ERI1: variants seen among roughly 807,000 people sequenced by gnomAD.
ERI1 encodes the protein 3'-5' exoribonuclease 1.
ERI1 carries 39 observed loss-of-function variants against 39.7 expected under a neutral mutation model. That is an observed-to-expected ratio of 0.98 (90% confidence interval 0.76 to 1.28). ERI1 has a LOEUF of 1.28. ERI1 is among the 50% of genes most tolerant of loss of function. The pLI, the probability that ERI1 is intolerant of heterozygous loss-of-function variation, is 0.00. For synonymous variants in ERI1, 204 were observed against 149.6 expected, an observed-to-expected ratio of 1.36 and a Z score of -2.65; for missense variants, 581 against 416.9, an observed-to-expected ratio of 1.39 and a Z score of -3.43.
rs985583842 is a variant in ERI1 at position 9,062,811 on chromosome 8, G to A, written n.299+42347G>A. The A allele has an allele frequency of 2.6e-5, 4 of 151,932 alleles. No homozygotes were observed. In the East Asian group the frequency reaches 7.9e-4, roughly 30 times the overall value. The allele number at this position is 151,932 out of a possible 1,614,324, so 9.4% of individuals were successfully genotyped here. ...TGAGTTGAACAGTCTGATTTTCAGTGGGGTCTCGCTCAGATGGGACGTGGC... is the reference window on the plus strand; with the variant it reads ...TGAGTTGAACAGTCTGATTTTCAGTAGGGTCTCGCTCAGATGGGACGTGGC... On this transcript the variant is annotated intron_variant and non_coding_transcript_variant, in intron 3 of 3. Coordinates refer to the ERI1 transcript ENST00000518663.
Position 9,089,107 on chromosome 8 carries a change from G to C in ERI1, n.300-27241G>C, listed in dbSNP as rs141141936. On this transcript the variant is annotated intron_variant and non_coding_transcript_variant, in intron 3 of 3. Coordinates refer to the ERI1 transcript ENST00000518663. ...CACTAAGGCTCGGTTTCCTCAAATAGATTAGGGAAATAACATGGTTCCCGC... is the reference window on the plus strand; with the variant it reads ...CACTAAGGCTCGGTTTCCTCAAATACATTAGGGAAATAACATGGTTCCCGC... Among the ~76,000 whole-genome samples the C allele has an allele frequency of 8.7e-4, 133 of 152,278 alleles. 5 individuals carry two copies. In the East Asian group the frequency reaches 0.02, roughly 23 times the overall value.
At chr8:9,014,200 C>T (rs2979256) in intron 3 of ERI1, among the ~76,000 whole-genome samples, 59,885 of 152,000 alleles carry the variant, frequency 0.39, 13,802 homozygotes, top group East Asian at 0.68. Flanking sequence ...CCTGCTTGCT[C>T]ATTCTCAAAA....
At position 9,032,013 on chromosome 8, in the gene ERI1, C is replaced by T. The variant is rs1797624759; in HGVS notation, c.*1979C>T. 6.6e-6 allele frequency: 1 copy of T among 152,232 alleles called. No individual in the cohort carries two copies. Among genetic ancestry groups the T allele is most frequent in the African/African-American group, 2.4e-5 (1 of 41,438 alleles). 9.4% of individuals were successfully genotyped at this position (152,232 alleles called of 1,614,324 possible). ...CCTCAAGTGATTTGCCCACCTTGAC[C>T]TCCTACAGACGTGAGCCACTGCGCT... On this transcript the variant is annotated 3_prime_UTR_variant, in exon 7 of 7. Coordinates refer to ENST00000250263, the MANE Select transcript of ERI1 (RefSeq NM_153332.4).
rs192671400 is a variant in ERI1 at position 9,016,590 on chromosome 8, C to G, written c.582+185C>G. On this transcript the variant is annotated intron_variant, in intron 4 of 6. Coordinates refer to ENST00000250263, the MANE Select transcript of ERI1 (RefSeq NM_153332.4). ...CAAATTTTATATCTGGTAACATTTT[C>G]CTCAGCCTTTCCTCTTAAGGAGTTG... Among the ~76,000 whole-genome samples, 738 of 150,492 alleles carry G rather than the reference C, an allele frequency of 4.9e-3. 4 individuals are homozygous for G. Among genetic ancestry groups the G allele is most frequent in the Non-Finnish European group, 7.2e-3 (490 of 67,710 alleles).
intron 3 of ERI1, among the ~76,000 whole-genome samples, chr8:9,064,469 T>C (rs1798805603): frequency 6.6e-6 from 1 of 151,414 alleles, no homozygotes; most frequent in Admixed American, 6.6e-5. Context: ...AGTCCGTGAC[T>C]GGCACCGGAG....
intron 1 of ERI1, among the ~76,000 whole-genome samples, chr8:9,003,482 T>C (rs56349323): frequency 0.27 from 41,847 of 152,212 alleles, 6,189 homozygotes; most frequent in Non-Finnish European, 0.31. Flanking sequence ...TGTCACTCCA[T>C]GTAGCCGTTA....
chr8:9,086,113 T>TA lies in ERI1; in HGVS notation n.300-30228dup, dbSNP rs1316796502. 5.3e-5 allele frequency among the ~76,000 whole-genome samples: 8 copies of TA among 152,198 alleles called. No homozygotes were observed. The East Asian group carries it at 7.7e-4, about 15-fold the overall frequency. The stretch of plus-strand genomic sequence containing the variant: ...AGACTGCGGCATTTACCATGAATGC[T>TA]AAAAAAACAGGGATAGCGGGCCAGG... On this transcript the variant is annotated intron_variant and non_coding_transcript_variant, in intron 3 of 3. Coordinates refer to the ERI1 transcript ENST00000518663.
chr8:9,060,807 T>C (rs548075873), intron 3 of ERI1, among the ~76,000 whole-genome samples: 21 of 152,286 alleles, frequency 1.4e-4, no homozygotes, highest in African/African-American at 4.6e-4. Flanking sequence ...AGCATAAGCA[T>C]TGTCTAGAGC....
At chr8:9,052,444 C>G (rs1271091129) in intron 3 of ERI1, among the ~76,000 whole-genome samples, 1 of 152,174 alleles carries the variant, frequency 6.6e-6, no homozygotes, top group Admixed American at 6.5e-5. Context: ...ATTGGTTGAA[C>G]TCGCCTAGAG....
At chr8:9,018,908 C>T (rs1382135773) in intron 5 of ERI1, among the ~76,000 whole-genome samples, 1 of 152,200 alleles carries the variant, frequency 6.6e-6, no homozygotes, top group Non-Finnish European at 1.5e-5. Flanking sequence ...TTTACCCTGA[C>T]AACGCCATTG....
chr8:9,009,065 C>G, intron 2 of ERI1: 1 of 456,238 alleles, frequency 2.2e-6, no homozygotes, highest in Non-Finnish European at 4.4e-6. Context: ...ATTTTCCGAG[C>G]AAAATTTTTG....
At chr8:9,041,661 A>G (rs1162083290) in intron 3 of ERI1, among the ~76,000 whole-genome samples, 2 of 152,224 alleles carry the variant, frequency 1.3e-5, no homozygotes, top group Non-Finnish European at 2.9e-5. Context: ...CAGTGTACCA[A>G]AACCTATGAG....
downstream of ERI1, among the ~76,000 whole-genome samples, chr8:9,034,288 G>T (rs1050984506): frequency 6.6e-6 from 1 of 152,260 alleles, no homozygotes. Context: ...CTCAATCATT[G>T]TGGAGCCACA....
downstream of ERI1, among the ~76,000 whole-genome samples, chr8:9,036,851 A>G (rs1797860611): frequency 6.6e-6 from 1 of 152,142 alleles, no homozygotes; most frequent in Non-Finnish European, 1.5e-5. Context: ...CCGACTCTGC[A>G]CCTTTGAACA....
intron 6 of ERI1, among the ~76,000 whole-genome samples, chr8:9,029,569 G>C (rs188627324): frequency 3.9e-5 from 6 of 152,304 alleles, no homozygotes; most frequent in African/African-American, 1.2e-4. Flanking sequence ...GACCTCAAGT[G>C]ATCTGCCCAC....
At chr8:9,017,328 A>G (rs1218007112) in intron 4 of ERI1, among the ~76,000 whole-genome samples, 4 of 152,116 alleles carry the variant, frequency 2.6e-5, no homozygotes, top group Non-Finnish European at 4.4e-5. Context: ...ATGAGCCACC[A>G]CACCTAGCCT....
chr8:9,097,319 C>T (rs1355849918), intron 3 of ERI1, among the ~76,000 whole-genome samples: 1 of 152,136 alleles, frequency 6.6e-6, no homozygotes, highest in Non-Finnish European at 1.5e-5. Context: ...GCATTTGGTA[C>T]TGGGGACCCA....
rs76395925 is a variant in ERI1 at position 9,086,650 on chromosome 8, A to G, written n.300-29698A>G. ...TAAGGATGTGTTCAATATTATAGCA[A>G]GAAGCCTGTTGGTTTCAGCACTGTT... On this transcript the variant is annotated intron_variant and non_coding_transcript_variant, in intron 3 of 3. Transcript: ENST00000518663. Among the ~76,000 whole-genome samples, 673 of 152,340 alleles carry G rather than the reference A, an allele frequency of 4.4e-3. 12 individuals are homozygous for G. The highest frequency in any genetic ancestry group is 0.016 in the African/African-American group (654 of 41,568).
In ERI1 at chr8:9,020,432, A is replaced by T. The variant is rs1399007926; in HGVS notation, c.775A>T (p.Asn259Tyr). The part of the protein sequence containing the change: ...KYPPFAKKWI[N>Y]IRKSYGNFYK... The stretch of plus-strand genomic sequence containing the variant: ...CCCTCCTTTTGCGAAAAAGTGGATC[A>T]ATATTCGGAAGTCATATGGAAATTT... The change falls in exon 6 of 7, where the codon AAT becomes TAT. Residue 259 changes from asparagine to tyrosine, a missense_variant. Asn to Tyr is a moderately radical substitution (Grantham distance 143). Transcript: ENST00000250263. The T allele has an allele frequency of 2.5e-6, 4 of 1,606,744 alleles. No individual in the cohort carries two copies. The highest frequency in any genetic ancestry group is 3.4e-6 in the Non-Finnish European group (4 of 1,176,908).
Sources: allele counts gnomAD v4.1 joint callset (sites outside exome capture counted in the v4.1 genomes callset), GRCh38; gene constraint gnomAD v4.1.1; transcripts MANE v1.5; gene names NCBI Gene and HGNC (gene_info 2026-07-23, HGNC 2026-07-21).